The following WDR26 variants were observed in gnomAD, a reference collection of about 807,000 sequenced individuals.
The protein encoded by WDR26 is WD repeat domain 26.
WDR26 carries 5 observed loss-of-function variants against 84.1 expected under a neutral mutation model. That is an observed-to-expected ratio of 0.06 (90% CI 0.03 to 0.13). The LOEUF is 0.13. WDR26 is among the 10% of genes least tolerant of loss of function. WDR26 has a pLI of 1.00. For synonymous variants in WDR26, 415 were observed against 389.6 expected, an observed-to-expected ratio of 1.07 and a Z score of -0.77; for missense variants, 642 against 974.9, an observed-to-expected ratio of 0.66 and a Z score of 4.55.
At position 224,393,809 on chromosome 1, in the gene WDR26, CATT is replaced by C; in HGVS notation, c.2260+16_2260+18del. 6.7e-7 allele frequency: 1 copy of C among 1,496,156 alleles called. No individual in the cohort carries two copies. The highest frequency in any genetic ancestry group is 9.1e-7 in the Non-Finnish European group (1 of 1,102,010). 92.7% of individuals were successfully genotyped at this position (1,496,156 alleles called of 1,614,324 possible). On this transcript the variant is annotated intron_variant, in intron 13 of 13. Coordinates refer to ENST00000414423, the MANE Select transcript of WDR26 (RefSeq NM_001379403.1). ...GTTTCATTTGGACAAAACATAGTAA[CATT>C]ATACAAAGGTATTACCTTCAATATT...
At position 224,387,945 on chromosome 1, in the gene WDR26, A is replaced by G. The variant is rs1425217785; in HGVS notation, c.*1890T>C. On this transcript the variant is annotated 3_prime_UTR_variant, in exon 14 of 14. Transcript: ENST00000414423. ...AACTGTAACATATATTTTAACTTAG[A>G]AGTATCAAAACAGGAATTTTTTGAT... 1 of 152,620 alleles carries G rather than the reference A, an allele frequency of 6.6e-6. No individual in the cohort carries two copies. Among genetic ancestry groups the G allele is most frequent in the Non-Finnish European group, 1.5e-5 (1 of 68,026 alleles). The allele number at this position is 152,620 out of a possible 1,614,324, so 9.5% of individuals were successfully genotyped here.
In WDR26 at chr1:224,404,574, G is replaced by A; in HGVS notation, c.1459-4C>T. ...GCAGTTTTAGCAGGTGTGTATCCTG[G>A]GAGGGAAAATAAACAATTCAGTTAA... On this transcript the variant is annotated splice_polypyrimidine_tract_variant and splice_region_variant and intron_variant, in intron 7 of 13. Coordinates refer to ENST00000414423, the MANE Select transcript of WDR26 (RefSeq NM_001379403.1). The A allele has an allele frequency of 6.2e-7, 1 of 1,607,896 alleles. No homozygotes were observed. The highest frequency in any genetic ancestry group is 1.7e-5 in the Admixed American group (1 of 59,246).
intron 5 of WDR26, among the ~76,000 whole-genome samples, chr1:224,418,901 A>G (rs1366529474): frequency 6.6e-6 from 1 of 152,224 alleles, no homozygotes; most frequent in Non-Finnish European, 1.5e-5. Flanking sequence ...AATGCCAAAG[A>G]TACTGTGTGA....
At chr1:224,426,401 T>C (rs1674211526) in intron 3 of WDR26, among the ~76,000 whole-genome samples, 1 of 152,192 alleles carries the variant, frequency 6.6e-6, no homozygotes. Context: ...ACATTTCTTT[T>C]GCTTGATACA....
rs1018956721 is a variant in WDR26 at position 224,398,808 on chromosome 1, A to G, written c.1865+81T>C. On this transcript the variant is annotated intron_variant, in intron 10 of 13. Transcript: ENST00000414423. ...ACGCAAACCAAAACGAAAAACATAA[A>G]AACTGTGAAAAGGCAAGTTCCACTA... The G allele has an allele frequency of 1.9e-6, 3 of 1,560,902 alleles. No homozygotes were observed. The African/African-American group carries it at 4.1e-5, about 21-fold the overall frequency.
chr1:224,404,321 GT>G, intron 8 of WDR26, 108 bp downstream of exon 8: 2 of 1,318,714 alleles, frequency 1.5e-6, no homozygotes, highest in South Asian at 3.6e-5. Flanking sequence ...ATACAGTATA[GT>G]AATTTAGGTT....
chr1:224,419,749 C>A (rs1362380604), intron 4 of WDR26, 134 bp from the exon 5 acceptor site: 3 of 642,518 alleles, frequency 4.7e-6, no homozygotes, highest in African/African-American at 3.7e-5. Context: ...GGACTCAATT[C>A]ATTAATATAA....
chr1:224,417,822 T>C (rs1165329388), intron 6 of WDR26, among the ~76,000 whole-genome samples: 1 of 152,214 alleles, frequency 6.6e-6, no homozygotes, highest in Non-Finnish European at 1.5e-5. Context: ...CCTGAATTCT[T>C]ACAAGTTAAA....
chr1:224,422,993 CTAAAT>C (rs898559235), intron 4 of WDR26, among the ~76,000 whole-genome samples: 4 of 152,136 alleles, frequency 2.6e-5, no homozygotes, highest in Admixed American at 6.5e-5. Flanking sequence ...AAATTTATTC[CTAAAT>C]TATTCTTTTT....
chr1:224,432,592 C>A (rs1432502999), intron 1 of WDR26, among the ~76,000 whole-genome samples: 1 of 152,156 alleles, frequency 6.6e-6, no homozygotes, highest in African/African-American at 2.4e-5. Flanking sequence ...AGCTTTAAAA[C>A]TTAATTTTTA....
At chr1:224,404,336 T>C (rs1317041146) in intron 8 of WDR26, 94 bp downstream of exon 8, 4 of 1,410,290 alleles carry the variant, frequency 2.8e-6, no homozygotes, top group Non-Finnish European at 2.8e-6. Flanking sequence ...TTAGGTTGAA[T>C]GGTTATATTA....
chr1:224,420,183 T>C (rs1674019792), intron 4 of WDR26, among the ~76,000 whole-genome samples: 1 of 152,238 alleles, frequency 6.6e-6, no homozygotes, highest in African/African-American at 2.4e-5. Context: ...TTGTGTCATC[T>C]TGTGAAAGAT....
chr1:224,411,698 G>T, intron 6 of WDR26, 133 bp from the exon 7 acceptor site: 31 of 949,740 alleles, frequency 3.3e-5, no homozygotes, highest in South Asian at 4.1e-5. Flanking sequence ...GAATGCATTT[G>T]TAAATCTTTT....
At position 224,434,168 on chromosome 1, in the gene WDR26, G is replaced by A. The variant is rs1174925456; in HGVS notation, c.238C>T (p.Pro80Ser). ...TGGGGGACAGCAGCGGCGGCGGGAG[G>A]GGCAGCAGCCGGGGGAAGTCCCACC... is the stretch of plus-strand genomic sequence containing the variant. The change falls in exon 1 of 14, where the codon CCT (proline) becomes TCT (serine). Residue 80 changes from proline to serine, a missense_variant. By Grantham distance (74) the Pro-to-Ser change is moderately conservative (BLOSUM62 -1). This residue lies in a region of WDR26 where 291 missense variants were observed against 302.1 expected (regional missense o/e 0.96). Coordinates refer to ENST00000414423, the MANE Select transcript of WDR26 (RefSeq NM_001379403.1). The A allele has an allele frequency of 3.5e-6, 5 of 1,422,790 alleles. No individual in the cohort carries two copies. In the African/African-American group the frequency reaches 7.3e-5, roughly 21 times the overall value. The allele number at this position is 1,422,790 out of a possible 1,614,324, so 88.1% of individuals were successfully genotyped here. A position where few individuals can be genotyped will look rare whatever the true frequency, so the allele number is the denominator to read the frequency against.
chr1:224,394,543 T>G (rs1174942558), intron 12 of WDR26, among the ~76,000 whole-genome samples: 7 of 151,912 alleles, frequency 4.6e-5, no homozygotes, highest in Non-Finnish European at 8.8e-5. Flanking sequence ...CTCACTCTGT[T>G]GCCCAGGCTG....
At chr1:224,401,671 C>CAAAAAAAAAAAAAAAAAGAAA (rs1673417301) in intron 8 of WDR26, among the ~76,000 whole-genome samples, 4 of 49,640 alleles carry the variant, frequency 8.1e-5, no homozygotes, top group East Asian at 5.4e-4. Context: ...GAGACTGTCT[C>CAAAAAAAAAAAAAAAAAGAAA]AAAAAAAAAA....
chr1:224,406,471 T>C (rs1405790957), intron 7 of WDR26, among the ~76,000 whole-genome samples: 2 of 152,208 alleles, frequency 1.3e-5, no homozygotes, highest in African/African-American at 4.8e-5. Flanking sequence ...TAAAATTAGG[T>C]TGGAGATTCC....
intron 12 of WDR26, among the ~76,000 whole-genome samples, chr1:224,395,606 GAA>G (rs10717023): frequency 5.3e-4 from 72 of 134,870 alleles, no homozygotes; most frequent in African/African-American, 8.4e-4. Flanking sequence ...ATGAAATTAG[GAA>G]AAAAAAAAAA....
intron 3 of WDR26, chr1:224,430,368 A>C (rs1451282171): frequency 6.6e-6 from 1 of 152,122 alleles, no homozygotes; most frequent in Non-Finnish European, 1.5e-5. Flanking sequence ...ATAATACACT[A>C]CATCATCAAT....
Sources: allele counts gnomAD v4.1 joint callset (sites outside exome capture counted in the v4.1 genomes callset), GRCh38; gene constraint gnomAD v4.1.1; regional missense constraint gnomAD v4.1.1; transcripts MANE v1.5; gene names NCBI Gene and HGNC (gene_info 2026-07-23, HGNC 2026-07-21).